Variants in MECOM observed in about 807,000 individuals in gnomAD.
MECOM encodes histone-lysine N-methyltransferase MECOM.
In MECOM, 13 loss-of-function variants were observed where a neutral mutation model predicts 116.3. The observed-to-expected ratio is 0.11, with a 90% CI of 0.07 to 0.18. The LOEUF (loss-of-function observed/expected upper bound fraction) is 0.18, where lower values mean the gene tolerates loss of function less well. Among genes scored for constraint, MECOM ranks in the 10% least tolerant of loss-of-function variants. The pLI is 1.00. For synonymous variants in MECOM, 528 were observed against 535.2 expected (o/e 0.99, Z 0.19); for missense variants, 1,299 against 1,509.0 (o/e 0.86, Z 2.31).
At chr3:169,477,588 T>C (rs530175856) in intron 1 of MECOM, among the ~76,000 whole-genome samples, 2 of 152,372 alleles carry the variant, frequency 1.3e-5, no homozygotes, top group African/African-American at 4.8e-5. Context: ...CTCTGCGTCC[T>C]GCTCCTGGAG....
At chr3:169,580,002 A>G (rs1764930190) in intron 1 of MECOM, among the ~76,000 whole-genome samples, 1 of 152,202 alleles carries the variant, frequency 6.6e-6, no homozygotes, top group Non-Finnish European at 1.5e-5. Context: ...CACAGAGCCC[A>G]TTGTGAGCAA....
intron 1 of MECOM, among the ~76,000 whole-genome samples, chr3:169,503,928 T>A (rs1244080216): frequency 6.6e-6 from 1 of 152,204 alleles, no homozygotes; most frequent in Non-Finnish European, 1.5e-5. Context: ...ATATCGTTCT[T>A]GTAATAGTAT....
intron 1 of MECOM, among the ~76,000 whole-genome samples, chr3:169,475,825 A>G (rs986614787): frequency 1.3e-5 from 2 of 152,180 alleles, no homozygotes; most frequent in African/African-American, 4.8e-5. Context: ...TTGAAACATC[A>G]GTTGCTGCTA....
intron 1 of MECOM, among the ~76,000 whole-genome samples, chr3:169,523,625 C>A (rs1757611410): frequency 6.6e-6 from 1 of 152,040 alleles, no homozygotes; most frequent in African/African-American, 2.4e-5. Context: ...CCCTGTGTAA[C>A]CATTCCCAAA....
intron 1 of MECOM, among the ~76,000 whole-genome samples, chr3:169,422,224 G>A (rs567712891): frequency 6.6e-6 from 1 of 152,174 alleles, no homozygotes; most frequent in South Asian, 2.1e-4. Flanking sequence ...TGTTGCCTAA[G>A]TTGCTGTGTG....
intron 3 of MECOM, among the ~76,000 whole-genome samples, chr3:169,134,931 A>G (rs908965074): frequency 6.6e-5 from 10 of 152,176 alleles, no homozygotes; most frequent in African/African-American, 2.4e-4. Flanking sequence ...CTTTCAGAAA[A>G]TATACTTTTA....
At chr3:169,364,737 C>G (rs573088722) in intron 2 of MECOM, among the ~76,000 whole-genome samples, 4 of 152,124 alleles carry the variant, frequency 2.6e-5, no homozygotes, top group East Asian at 3.9e-4. Flanking sequence ...TTATCGCTCC[C>G]AGGTTGGTGA....
intron 1 of MECOM, among the ~76,000 whole-genome samples, chr3:169,461,940 T>G (rs1297212227): frequency 6.6e-6 from 1 of 152,172 alleles, no homozygotes; most frequent in Non-Finnish European, 1.5e-5. Context: ...TAGGCTGATA[T>G]TTTTGAAGAA....
chr3:169,108,906 T>A (rs71306622), intron 9 of MECOM, among the ~76,000 whole-genome samples: 38,392 of 152,036 alleles, frequency 0.25, 5,070 homozygotes, highest in Non-Finnish European at 0.28. Context: ...GATAGAAATG[T>A]AAGTAAAAGA....
At chr3:169,656,282 C>A (rs1329575584) in intron 1 of MECOM, among the ~76,000 whole-genome samples, 1 of 152,132 alleles carries the variant, frequency 6.6e-6, no homozygotes, top group Non-Finnish European at 1.5e-5. Flanking sequence ...TTAATGACCC[C>A]TACACACATG....
rs1473639483 is a variant in MECOM, at chr3:169,381,356, T to C, written c.206A>G (p.Tyr69Cys). 6.2e-7 allele frequency: 1 copy of C among 1,613,896 alleles called. No homozygotes were observed. Among genetic ancestry groups the C allele is most frequent in the Non-Finnish European group, 8.5e-7 (1 of 1,179,824 alleles). Residue 69 changes from tyrosine (Y) to cysteine (C), a missense_variant, in exon 2 of 17, where the codon TAC (tyrosine) becomes TGC (cysteine). By Grantham distance (194) the Tyr-to-Cys change is radical (BLOSUM62 -2). Coordinates refer to ENST00000651503, the MANE Select transcript of MECOM (RefSeq NM_004991.4). ...KEGSPYKAPI[Y>C]IPDDIPIPAE... ...AGGAATGGGGATATCATCAGGGATG[T>C]AGATGGGGGCTTTGTAAGGAGAACC... is the stretch of plus-strand genomic sequence containing the variant.
intron 2 of MECOM, among the ~76,000 whole-genome samples, chr3:169,321,022 C>T (rs1560127975): frequency 6.6e-6 from 1 of 152,168 alleles, no homozygotes; most frequent in Non-Finnish European, 1.5e-5. Flanking sequence ...GGGGATTTGG[C>T]AATGGGTCTG....
intron 2 of MECOM, among the ~76,000 whole-genome samples, chr3:169,315,614 A>G (rs548586123): frequency 1.3e-5 from 2 of 152,330 alleles, no homozygotes; most frequent in South Asian, 4.1e-4. Flanking sequence ...TAATAAATTC[A>G]TGGCCATATA....
At chr3:169,456,086 C>G (rs1746438378) in intron 1 of MECOM, among the ~76,000 whole-genome samples, 1 of 152,250 alleles carries the variant, frequency 6.6e-6, no homozygotes, top group African/African-American at 2.4e-5. Flanking sequence ...CAGATTTCCA[C>G]CTTCTTGGAA....
chr3:169,394,362 C>A (rs1216930067), intron 1 of MECOM, among the ~76,000 whole-genome samples: 6 of 152,120 alleles, frequency 3.9e-5, no homozygotes, highest in Admixed American at 3.9e-4. Context: ...TATAAGGCTG[C>A]ATTAAATAGA....
At chr3:169,569,679 C>T (rs897590295) in intron 1 of MECOM, among the ~76,000 whole-genome samples, 36 of 152,186 alleles carry the variant, frequency 2.4e-4, no homozygotes, top group African/African-American at 8.0e-4. Context: ...TTAAGAAACT[C>T]GCTCAAACCT....
At chr3:169,416,821 A>G (rs1179708625) in intron 1 of MECOM, among the ~76,000 whole-genome samples, 1 of 152,142 alleles carries the variant, frequency 6.6e-6, no homozygotes, top group Non-Finnish European at 1.5e-5. Context: ...CAACTATCTG[A>G]TCTTTGACAA....
chr3:169,439,359 T>C (rs1333338823), intron 1 of MECOM, among the ~76,000 whole-genome samples: 1 of 148,216 alleles, frequency 6.7e-6, no homozygotes, highest in African/African-American at 2.4e-5. Context: ...AATATTAATA[T>C]AGTTAATATA....
At chr3:169,358,906 C>A (rs1298942554) in intron 2 of MECOM, among the ~76,000 whole-genome samples, 3 of 151,754 alleles carry the variant, frequency 2.0e-5, no homozygotes, top group Non-Finnish European at 1.5e-5. Flanking sequence ...AAATTTTTAA[C>A]CCTTACCCAT....
Sources: allele counts gnomAD v4.1 joint callset (sites outside exome capture counted in the v4.1 genomes callset), GRCh38; gene constraint gnomAD v4.1.1; transcripts MANE v1.5; gene names NCBI Gene and HGNC (gene_info 2026-07-23, HGNC 2026-07-21).